Variants in VWC2L observed in about 807,000 individuals in gnomAD.
VWC2L encodes von Willebrand factor C domain-containing protein 2-like.
A neutral mutation model predicts 21.6 loss-of-function variants in VWC2L; 10 were observed. That is an observed-to-expected ratio of 0.46 (90% confidence interval 0.29 to 0.78). The LOEUF (loss-of-function observed/expected upper bound fraction) is 0.78. Ranked by LOEUF, VWC2L falls within the 30% of genes least tolerant of loss-of-function variation. The probability of loss-of-function intolerance (pLI) is 0.10; values close to 1 mark genes in which losing one functional copy is unlikely to be tolerated. For synonymous variants in VWC2L, 96 were observed against 94.3 expected (o/e 1.02, Z -0.10); for missense variants, 209 against 277.1 (o/e 0.75, Z 1.74).
chr2:214,571,768 C>G (rs1395749424), intron 3 of VWC2L, among the ~76,000 whole-genome samples: 1 of 152,120 alleles, frequency 6.6e-6, no homozygotes, highest in Non-Finnish European at 1.5e-5. Context: ...TTCATATTCT[C>G]TCTTTCTTTC....
At chr2:214,505,808 AT>A (rs1222637086) in intron 3 of VWC2L, among the ~76,000 whole-genome samples, 1 of 152,226 alleles carries the variant, frequency 6.6e-6, no homozygotes, top group Non-Finnish European at 1.5e-5. Context: ...AGATAAAGGT[AT>A]AAAAAATGTT....
At chr2:214,553,841 G>C (rs1302837797) in intron 3 of VWC2L, among the ~76,000 whole-genome samples, 1 of 152,084 alleles carries the variant, frequency 6.6e-6, no homozygotes, top group Non-Finnish European at 1.5e-5. Flanking sequence ...GAGAGGCTTA[G>C]AATTTCATTT....
At chr2:214,470,814 G>T (rs370283572) in intron 3 of VWC2L, among the ~76,000 whole-genome samples, 2 of 150,348 alleles carry the variant, frequency 1.3e-5, no homozygotes, top group African/African-American at 4.9e-5. Flanking sequence ...TCAGGAGGGA[G>T]GCTGAGGCAG....
rs144802471 is a variant in VWC2L at position 214,573,020 on chromosome 2, T to C, written c.521-2652T>C. Among the ~76,000 whole-genome samples, 5 of 152,264 alleles carry C rather than the reference T, an allele frequency of 3.3e-5. No individual in the cohort carries two copies. In the East Asian group the frequency reaches 9.7e-4, roughly 29 times the overall value. On this transcript the variant is annotated intron_variant, in intron 3 of 3. Transcript: ENST00000312504. ...TAAATGACTCTTAAGAAATGGTGTA[T>C]AGAGGTTAGTCAAATACACACTGAC...
At chr2:214,479,813 T>C (rs910504632) in intron 3 of VWC2L, among the ~76,000 whole-genome samples, 4 of 152,148 alleles carry the variant, frequency 2.6e-5, no homozygotes, top group African/African-American at 7.2e-5. Context: ...AATCTGGATA[T>C]AGAGCAAGAA....
intron 3 of VWC2L, among the ~76,000 whole-genome samples, chr2:214,489,975 C>T (rs961344071): frequency 2.0e-5 from 3 of 152,210 alleles, no homozygotes; most frequent in Non-Finnish European, 2.9e-5. Flanking sequence ...TTGGCAGGAA[C>T]TAGTCACTGG....
rs1014990857 is a variant in VWC2L at position 214,545,084 on chromosome 2, C to T, written c.521-30588C>T. Among the ~76,000 whole-genome samples, 10 of 152,158 alleles carry T rather than the reference C, an allele frequency of 6.6e-5. No homozygotes were observed. The East Asian group carries it at 1.2e-3, about 18-fold the overall frequency. On this transcript the variant is annotated intron_variant, in intron 3 of 3. Transcript: ENST00000312504. ...TCCAGAAATTCATTGCTAAATGCAT[C>T]CACTAGCAATTATAGGAAAACTACC...
intron 2 of VWC2L, among the ~76,000 whole-genome samples, chr2:214,418,535 C>T (rs4264565): frequency 6.6e-6 from 1 of 152,042 alleles, no homozygotes; most frequent in South Asian, 2.1e-4. Flanking sequence ...GAAATAATAT[C>T]ATATGAAACC....
At chr2:214,528,588 ATC>A (rs1192242278) in intron 3 of VWC2L, among the ~76,000 whole-genome samples, 8 of 149,914 alleles carry the variant, frequency 5.3e-5, no homozygotes, top group Non-Finnish European at 2.9e-5. Context: ...TTAAATTTAC[ATC>A]TCTTTTTTTT....
rs1250905286 is a variant in VWC2L, at chr2:214,540,137, C to CT, written c.521-35534dup. ...AATGGTTATTGAATAGAACTTACATCTGCTAAGTTCTCAGTCCCTGCATAA... is the reference window on the plus strand; with the variant it reads ...AATGGTTATTGAATAGAACTTACATCTTGCTAAGTTCTCAGTCCCTGCATAA... On this transcript the variant is annotated intron_variant, in intron 3 of 3. Coordinates refer to ENST00000312504, the MANE Select transcript of VWC2L (RefSeq NM_001080500.4). Among the ~76,000 whole-genome samples, 4 of 152,244 alleles carry CT rather than the reference C, an allele frequency of 2.6e-5. No individual in the cohort carries two copies. In the East Asian group the frequency reaches 7.7e-4, roughly 29 times the overall value.
At chr2:214,437,965 CTT>C (rs895774781) in intron 3 of VWC2L, among the ~76,000 whole-genome samples, 11 of 137,918 alleles carry the variant, frequency 8.0e-5, no homozygotes, top group Non-Finnish European at 1.6e-4. Flanking sequence ...TCTCGCTCCT[CTT>C]TTTCTTCTTA....
At chr2:214,495,905 A>G (rs972267776) in intron 3 of VWC2L, among the ~76,000 whole-genome samples, 1 of 152,178 alleles carries the variant, frequency 6.6e-6, no homozygotes. Context: ...AAGTCAGTTC[A>G]GATTTTTTTG....
intron 3 of VWC2L, among the ~76,000 whole-genome samples, chr2:214,532,658 T>A (rs1451493421): frequency 2.0e-5 from 3 of 152,174 alleles, no homozygotes; most frequent in Non-Finnish European, 4.4e-5. Context: ...TTTTTGTGTA[T>A]GGTTGTTGTG....
At chr2:214,561,809 T>TATATATATATATATATATAC (rs1489588765) in intron 3 of VWC2L, among the ~76,000 whole-genome samples, 2,052 of 125,612 alleles carry the variant, frequency 0.016, 65 homozygotes, top group African/African-American at 0.027. Flanking sequence ...TATATATATA[T>TATATATATATATATATATAC]ACACACACAT....
chr2:214,484,657 C>T lies in VWC2L; in HGVS notation c.520+47899C>T, dbSNP rs139279357. Among the ~76,000 whole-genome samples, 411 of 152,204 alleles carry T rather than the reference C, an allele frequency of 2.7e-3. 3 individuals carry two copies. Among genetic ancestry groups the T allele is most frequent in the African/African-American group, 9.0e-3 (374 of 41,532 alleles). On this transcript the variant is annotated intron_variant, in intron 3 of 3. Coordinates refer to ENST00000312504, the MANE Select transcript of VWC2L (RefSeq NM_001080500.4). ...TGGGCTCAATTTTAAGATATGGCAT[C>T]GGGCAGAAATCAATGAAGTTTTTAA...
rs1392139216 is a variant in VWC2L at position 214,577,386 on chromosome 2, C to G, written c.*1566C>G. The G allele has an allele frequency of 2.6e-5, 4 of 152,158 alleles. No homozygotes were observed. Among genetic ancestry groups the G allele is most frequent in the African/African-American group, 9.7e-5 (4 of 41,416 alleles). The allele number at this position is 152,158 out of a possible 1,614,324, so 9.4% of individuals were successfully genotyped here. On this transcript the variant is annotated 3_prime_UTR_variant, in exon 4 of 4. Transcript: ENST00000312504. The stretch of plus-strand genomic sequence containing the variant: ...TGTGTGCTTTTAGGATGTTTAGCAC[C>G]ATCACTGGCCTCTATCCACTAGCAA...
chr2:214,572,791 C>T (rs544617892), intron 3 of VWC2L, among the ~76,000 whole-genome samples: 2 of 152,132 alleles, frequency 1.3e-5, no homozygotes, highest in Non-Finnish European at 1.5e-5. Flanking sequence ...AATAAAAAAT[C>T]ACTGTACTAC....
chr2:214,433,278 T>C (rs1366532444), intron 2 of VWC2L, among the ~76,000 whole-genome samples: 2 of 151,338 alleles, frequency 1.3e-5, no homozygotes, highest in African/African-American at 4.9e-5. Flanking sequence ...GTTACTTTAT[T>C]TTCTAAGGAG....
At chr2:214,424,347 T>G (rs1702490883) in intron 2 of VWC2L, among the ~76,000 whole-genome samples, 1 of 152,190 alleles carries the variant, frequency 6.6e-6, no homozygotes, top group South Asian at 2.1e-4. Context: ...GTTAGTATAC[T>G]GAGACTACTT....
Sources: gnomAD v4.1 joint callset for allele counts (sites outside exome capture counted in the v4.1 genomes callset) on GRCh38, gnomAD v4.1.1 for gene constraint, MANE v1.5 for transcripts, NCBI Gene and HGNC (gene_info 2026-07-23, HGNC 2026-07-21) for gene names.